Variants in PCDHA12 observed in about 807,000 individuals in gnomAD.
PCDHA12 encodes the protein protocadherin alpha 12, also known as protocadherin alpha-12.
A neutral mutation model predicts 60.0 loss-of-function variants in PCDHA12; 44 were observed. That is an observed-to-expected ratio of 0.73 (90% CI 0.58 to 0.94). PCDHA12 has a LOEUF of 0.94. Ranked by LOEUF, PCDHA12 falls within the 40% of genes least tolerant of loss-of-function variation. The probability of loss-of-function intolerance (pLI) is 0.00; values close to 1 mark genes in which losing one functional copy is unlikely to be tolerated. For missense variants in PCDHA12, 1,276 were observed against 1,239.7 expected (o/e 1.03, Z -0.44); for synonymous variants, 569 against 553.0 (o/e 1.03, Z -0.40).
rs1554262625 is a variant in PCDHA12, at chr5:141,009,974, T to A, written c.*37T>A. 3 of 1,585,642 alleles carry A rather than the reference T, an allele frequency of 1.9e-6. No homozygotes were observed. The highest frequency in any genetic ancestry group is 2.6e-6 in the Non-Finnish European group (3 of 1,169,212). ...GGAAACAAGCCACTTAGCCAGTTTT[T>A]GTAATAATGGCAAATCTCTCCCATG... On this transcript the variant is annotated 3_prime_UTR_variant, in exon 4 of 4. Transcript: ENST00000398631.
chr5:140,948,016 C>CTTTTT (rs72028473), intron 1 of PCDHA12, among the ~76,000 whole-genome samples: 13 of 30,044 alleles, frequency 4.3e-4, no homozygotes, highest in Non-Finnish European at 6.9e-4. Context: ...AGGAAGTACC[C>CTTTTT]TTTCTGGTTT....
intron 1 of PCDHA12, among the ~76,000 whole-genome samples, chr5:140,950,490 C>A (rs2153689793): frequency 6.6e-6 from 1 of 152,114 alleles, no homozygotes; most frequent in South Asian, 2.1e-4. Context: ...AGTGTGTAGT[C>A]ATTTAAGTCA....
intron 1 of PCDHA12, among the ~76,000 whole-genome samples, chr5:140,972,181 AC>A: frequency 6.6e-6 from 1 of 152,234 alleles, no homozygotes; most frequent in Admixed American, 6.5e-5. Flanking sequence ...TTGGCCTGTC[AC>A]CCAGGCTGGA....
At chr5:140,883,217 G>A (rs868963567) in intron 1 of PCDHA12, 1 of 1,613,990 alleles carries the variant, frequency 6.2e-7, no homozygotes, top group Non-Finnish European at 8.5e-7. Context: ...GAAATTATAT[G>A]AAATATCCGT....
intron 1 of PCDHA12, chr5:140,969,583 A>G: frequency 1.1e-6 from 1 of 914,068 alleles, no homozygotes; most frequent in Admixed American, 3.0e-5. Context: ...AGTGAGGATT[A>G]GTCTTAATAT....
At chr5:140,923,804 ATCT>A (rs1273575266) in intron 1 of PCDHA12, among the ~76,000 whole-genome samples, 1 of 152,220 alleles carries the variant, frequency 6.6e-6, no homozygotes, top group African/African-American at 2.4e-5. Flanking sequence ...CACAAATGAA[ATCT>A]TCTGAAAATA....
Position 140,978,838 on chromosome 5 carries a change from A to G in PCDHA12, c.2368-111A>G, listed in dbSNP as rs571929271. 3.9e-6 allele frequency: 6 copies of G among 1,554,610 alleles called. No homozygotes were observed. In the African/African-American group the frequency reaches 5.5e-5, roughly 14 times the overall value. On this transcript the variant is annotated intron_variant, in intron 1 of 3. Transcript: ENST00000398631. ...TTACACATGAAATGGCTCATTCAAT[A>G]CTTTTTTAGATGCCTGGAAATATTT... is the stretch of plus-strand genomic sequence containing the variant.
intron 1 of PCDHA12, among the ~76,000 whole-genome samples, chr5:140,964,846 C>G (rs1292135709): frequency 2.0e-5 from 3 of 152,180 alleles, no homozygotes; most frequent in Non-Finnish European, 2.9e-5. Context: ...TACTCTGTAC[C>G]CTTGAGGAAA....
chr5:140,962,369 AT>A (rs1181838799), intron 1 of PCDHA12, among the ~76,000 whole-genome samples: 1 of 152,154 alleles, frequency 6.6e-6, no homozygotes, highest in Admixed American at 6.5e-5. Flanking sequence ...GGCTAGTTTG[AT>A]TTTATCTGTT....
At chr5:140,967,681 G>A (rs367838143) in intron 1 of PCDHA12, 12 of 1,614,086 alleles carry the variant, frequency 7.4e-6, no homozygotes, top group Non-Finnish European at 9.3e-6. Flanking sequence ...ACCGGGAGAG[G>A]CAGCTCTTCA....
rs185929013 is a variant in PCDHA12 at position 140,956,196 on chromosome 5, T to G, written c.2368-22753T>G. 2.6e-5 allele frequency among the ~76,000 whole-genome samples: 4 copies of G among 152,188 alleles called. No homozygotes were observed. In the East Asian group the frequency reaches 7.7e-4, roughly 29 times the overall value. On this transcript the variant is annotated intron_variant, in intron 1 of 3. Coordinates refer to ENST00000398631, the MANE Select transcript of PCDHA12 (RefSeq NM_018903.4). The stretch of plus-strand genomic sequence containing the variant: ...CTTCCAATACTATGCTGAATAGGAG[T>G]GGTGAAAGAGGGCATCCTTGTCTTG...
At chr5:140,927,601 G>A (rs1490799029) in intron 1 of PCDHA12, 1 of 1,614,198 alleles carries the variant, frequency 6.2e-7, no homozygotes, top group Non-Finnish European at 8.5e-7. Flanking sequence ...TGAGCGCTCC[G>A]TATACCGCAC....
chr5:140,927,536 G>A (rs1227240979), intron 1 of PCDHA12: 3 of 1,614,138 alleles, frequency 1.9e-6, no homozygotes, highest in Non-Finnish European at 2.5e-6. Context: ...GCCCGCTCAG[G>A]AGACGCACAA....
chr5:140,884,486 G>T, intron 1 of PCDHA12: 1 of 1,614,030 alleles, frequency 6.2e-7, no homozygotes, highest in Non-Finnish European at 8.5e-7. Flanking sequence ...GCCCACTCTA[G>T]TGTGCTCCAG....
chr5:140,907,864 G>A (rs1033952784), intron 1 of PCDHA12, among the ~76,000 whole-genome samples: 3 of 152,202 alleles, frequency 2.0e-5, no homozygotes, highest in African/African-American at 7.2e-5. Context: ...GAGGCCAGCC[G>A]TTGGTGAGCA....
At position 140,877,609 on chromosome 5, in the gene PCDHA12, C is replaced by T. The variant is rs1554169925; in HGVS notation, c.2137C>T (p.Leu713Phe). ...AICAVSSLLV[L>F]TLLLYTALRC... ...CTGTGCGGTGTCCAGCCTGCTGGTG[C>T]TCACGCTGCTGCTGTACACTGCGCT... Residue 713 changes from leucine (L) to phenylalanine (F), a missense_variant, in exon 1 of 4, where the codon CTC becomes TTC. Physicochemically the swap from Leu to Phe is conservative, Grantham distance 22. Coordinates refer to ENST00000398631, the MANE Select transcript of PCDHA12 (RefSeq NM_018903.4). 2.5e-6 allele frequency: 4 copies of T among 1,613,876 alleles called. No homozygotes were observed. The highest frequency in any genetic ancestry group is 1.7e-4 in the Middle Eastern group (1 of 6,058).
At chr5:140,926,731 G>C (rs1282301090) in intron 1 of PCDHA12, 9 of 1,104,780 alleles carry the variant, frequency 8.1e-6, no homozygotes, top group Middle Eastern at 3.2e-4. Flanking sequence ...GCCGGCGTTC[G>C]GGAGGCGCAA....
intron 1 of PCDHA12, among the ~76,000 whole-genome samples, chr5:140,886,844 AAAAG>A (rs1232979230): frequency 6.0e-5 from 9 of 150,634 alleles, no homozygotes; most frequent in Non-Finnish European, 8.9e-5. Flanking sequence ...AAAAAAAAAA[AAAAG>A]AAAGGTCTTC....
At chr5:140,988,761 A>G (rs1320753301) in intron 3 of PCDHA12, among the ~76,000 whole-genome samples, 1 of 152,218 alleles carries the variant, frequency 6.6e-6, no homozygotes, top group Non-Finnish European at 1.5e-5. Context: ...TGGGCAGAAT[A>G]CAGTCATGGT....
Sources: gnomAD v4.1 joint callset for allele counts (sites outside exome capture counted in the v4.1 genomes callset) on GRCh38, gnomAD v4.1.1 for gene constraint, MANE v1.5 for transcripts, NCBI Gene and HGNC (gene_info 2026-07-23, HGNC 2026-07-21) for gene names.